Variants in GRIK3 observed in about 807,000 individuals in gnomAD.
GRIK3 encodes glutamate ionotropic receptor kainate type subunit 3.
A neutral mutation model predicts 102.5 loss-of-function variants in GRIK3; 29 were observed. The observed-to-expected ratio is 0.28, with a 90% confidence interval of 0.21 to 0.39. The LOEUF is 0.39. GRIK3 is among the 10% of genes least tolerant of loss of function. The pLI is 1.00. For synonymous variants in GRIK3, 511 were observed against 504.9 expected, an observed-to-expected ratio of 1.01 and a Z score of -0.16; for missense variants, 908 against 1,252.4, an observed-to-expected ratio of 0.73 and a Z score of 4.15.
At chr1:36,815,421 C>T (rs890949864) in intron 13 of GRIK3, among the ~76,000 whole-genome samples, 2 of 152,218 alleles carry the variant, frequency 1.3e-5, no homozygotes, top group East Asian at 3.9e-4. Flanking sequence ...CTGGAGGCTC[C>T]ATCTATCATT....
intron 1 of GRIK3, among the ~76,000 whole-genome samples, chr1:36,891,556 A>G (rs1382546679): frequency 1.2e-4 from 19 of 152,222 alleles, no homozygotes; most frequent in Admixed American, 9.8e-4. Context: ...ATAAAATCCA[A>G]TATCTATTGC....
chr1:37,013,445 G>A (rs755906846), intron 1 of GRIK3, among the ~76,000 whole-genome samples: 2 of 152,170 alleles, frequency 1.3e-5, no homozygotes, highest in Non-Finnish European at 2.9e-5. Flanking sequence ...TCAGATGCCT[G>A]GGCTACTCCT....
At chr1:36,957,289 T>TGCCCCATGAGCCTGTGG (rs2124340988) in intron 1 of GRIK3, among the ~76,000 whole-genome samples, 1 of 151,856 alleles carries the variant, frequency 6.6e-6, no homozygotes, top group South Asian at 2.1e-4. Flanking sequence ...TGAGTCTGTG[T>TGCCCCATGAGCCTGTGG]GCCCCACGAG....
At chr1:36,811,105 T>C (rs1642556593) in intron 13 of GRIK3, among the ~76,000 whole-genome samples, 1 of 152,254 alleles carries the variant, frequency 6.6e-6, no homozygotes, top group South Asian at 2.1e-4. Context: ...CTTAGGGTTA[T>C]CGTGAACATT....
intron 1 of GRIK3, among the ~76,000 whole-genome samples, chr1:36,948,132 C>G (rs904780648): frequency 6.6e-6 from 1 of 152,192 alleles, no homozygotes; most frequent in African/African-American, 2.4e-5. Context: ...CCATGCAACA[C>G]CTGGTATCAA....
chr1:36,934,461 G>A (rs530387833), intron 1 of GRIK3, among the ~76,000 whole-genome samples: 91 of 152,266 alleles, frequency 6.0e-4, no homozygotes, highest in African/African-American at 2.2e-3. Flanking sequence ...CACCAGCTCA[G>A]GGGTCCACAA....
intron 1 of GRIK3, among the ~76,000 whole-genome samples, chr1:36,941,664 T>C (rs1020879785): frequency 3.9e-5 from 6 of 152,216 alleles, no homozygotes; most frequent in Non-Finnish European, 7.3e-5. Context: ...TTGTATTCAA[T>C]AGACCACAAG....
intron 1 of GRIK3, among the ~76,000 whole-genome samples, chr1:36,907,630 G>T (rs1023373322): frequency 6.6e-6 from 1 of 152,128 alleles, no homozygotes; most frequent in Non-Finnish European, 1.5e-5. Flanking sequence ...TGGAGCATGA[G>T]GTCATCAGGA....
intron 1 of GRIK3, among the ~76,000 whole-genome samples, chr1:36,959,493 CCTGTGTGCCCTGTGA>C (rs1343900573): frequency 7.9e-6 from 1 of 126,762 alleles, no homozygotes; most frequent in Non-Finnish European, 1.7e-5. Context: ...GCCCTGTGAG[CCTGTGTGCCCTGTGA>C]CTGTGTGCCC....
chr1:36,814,254 G>A (rs139655330), intron 13 of GRIK3, among the ~76,000 whole-genome samples: 1 of 152,266 alleles, frequency 6.6e-6, no homozygotes, highest in African/African-American at 2.4e-5. Context: ...GCGGCAATGA[G>A]CCTGCACCAG....
intron 10 of GRIK3, among the ~76,000 whole-genome samples, chr1:36,828,995 A>G (rs551395896): frequency 1.3e-5 from 2 of 152,338 alleles, no homozygotes; most frequent in African/African-American, 4.8e-5. Context: ...TAATGGGGTC[A>G]GGAGACCAAG....
chr1:36,845,222 G>T (rs1018607389), intron 9 of GRIK3, among the ~76,000 whole-genome samples: 1 of 152,196 alleles, frequency 6.6e-6, no homozygotes, highest in Non-Finnish European at 1.5e-5. Flanking sequence ...TACTGGAAAT[G>T]TCCAGACAGC....
At position 36,880,023 on chromosome 1, in the gene GRIK3, G is replaced by A. The variant is rs1391317014; in HGVS notation, c.550+611C>T. Among the ~76,000 whole-genome samples the A allele has an allele frequency of 6.6e-6, 1 of 152,164 alleles. No individual in the cohort carries two copies. Among genetic ancestry groups the A allele is most frequent in the Non-Finnish European group, 1.5e-5 (1 of 68,026 alleles). On this transcript the variant is annotated intron_variant, in intron 3 of 15. Transcript: ENST00000373091. The surrounding 1 kb of genome is among the most constrained non-coding windows in gnomAD (Gnocchi z 5.4). ...GAGTGTGTGTGTGGCGGGTGAAGGT[G>A]TGAGGAGGATGAGAAGAACCAACCT...
At chr1:36,832,665 A>G (rs1294518737) in intron 10 of GRIK3, among the ~76,000 whole-genome samples, 1 of 152,200 alleles carries the variant, frequency 6.6e-6, no homozygotes, top group Non-Finnish European at 1.5e-5. Context: ...TGGGCCTGAG[A>G]GGACAGCCCA....
chr1:36,931,092 C>T (rs555357368), intron 1 of GRIK3, among the ~76,000 whole-genome samples: 6 of 152,212 alleles, frequency 3.9e-5, no homozygotes, highest in Non-Finnish European at 7.3e-5. Flanking sequence ...AGAGTCTCCC[C>T]TTCACTCAGT....
intron 1 of GRIK3, among the ~76,000 whole-genome samples, chr1:36,893,299 A>G (rs1254014311): frequency 1.3e-5 from 2 of 152,220 alleles, no homozygotes; most frequent in East Asian, 3.8e-4. Context: ...ATAAAGATGG[A>G]AGCTCTTATT....
At chr1:36,974,871 T>G (rs969320473) in intron 1 of GRIK3, among the ~76,000 whole-genome samples, 1 of 151,368 alleles carries the variant, frequency 6.6e-6, no homozygotes, top group African/African-American at 2.4e-5. Flanking sequence ...CTCTAAGTCA[T>G]GCTAAGTGAA....
chr1:36,877,297 A>T (rs906592023), intron 3 of GRIK3, among the ~76,000 whole-genome samples: 4 of 151,992 alleles, frequency 2.6e-5, no homozygotes, highest in African/African-American at 9.7e-5. Context: ...TGTCTTCAAC[A>T]TTACCCTGTT....
At chr1:36,934,677 G>A (rs1641634392) in intron 1 of GRIK3, among the ~76,000 whole-genome samples, 1 of 152,142 alleles carries the variant, frequency 6.6e-6, no homozygotes, top group South Asian at 2.1e-4. Flanking sequence ...CACGTTGCTG[G>A]GGCCTCGCTT....
Sources: allele counts gnomAD v4.1 joint callset (sites outside exome capture counted in the v4.1 genomes callset), GRCh38; gene constraint gnomAD v4.1.1; non-coding constraint Gnocchi (gnomAD v3.1); transcripts MANE v1.5; gene names NCBI Gene and HGNC (gene_info 2026-07-23, HGNC 2026-07-21).